ASIC2: variants seen among roughly 807,000 people sequenced by gnomAD.
The protein encoded by ASIC2 is acid-sensing ion channel 2.
ASIC2 carries 25 observed loss-of-function variants against 57.3 expected under a neutral mutation model. That is an observed-to-expected ratio of 0.44 (90% CI 0.32 to 0.61). The LOEUF (loss-of-function observed/expected upper bound fraction) is 0.61, where lower values mean the gene tolerates loss of function less well. Among genes scored for constraint, ASIC2 ranks in the 20% least tolerant of loss-of-function variants. The pLI, the probability that ASIC2 is intolerant of heterozygous loss-of-function variation, is 0.06. For missense variants in ASIC2, 641 were observed against 738.1 expected, an observed-to-expected ratio of 0.87 and a Z score of 1.52; for synonymous variants, 319 against 307.5, an observed-to-expected ratio of 1.04 and a Z score of -0.39.
chr17:33,232,916 T>C (rs1266028258), intron 1 of ASIC2, among the ~76,000 whole-genome samples: 2 of 152,144 alleles, frequency 1.3e-5, no homozygotes, highest in Non-Finnish European at 2.9e-5. Flanking sequence ...GATGCATTCT[T>C]GTATGGCCCC....
At chr17:33,567,750 T>C (rs1916286735) in intron 1 of ASIC2, among the ~76,000 whole-genome samples, 1 of 151,152 alleles carries the variant, frequency 6.6e-6, no homozygotes, top group South Asian at 2.1e-4. Flanking sequence ...AGTGGGGGAG[T>C]GAGTTTGGAG....
At chr17:33,194,862 C>T (rs963217172) in intron 1 of ASIC2, among the ~76,000 whole-genome samples, 1 of 152,204 alleles carries the variant, frequency 6.6e-6, no homozygotes, top group African/African-American at 2.4e-5. Flanking sequence ...CCATCAGTTT[C>T]CCTCACCAGC....
At chr17:33,015,210 G>A (rs572763148) in intron 9 of ASIC2, among the ~76,000 whole-genome samples, 1 of 152,204 alleles carries the variant, frequency 6.6e-6, no homozygotes, top group Non-Finnish European at 1.5e-5. Flanking sequence ...AATGGGCACC[G>A]TTTTCCAGGG....
In ASIC2 at chr17:33,430,478, C is replaced by T. The variant is rs572490616; in HGVS notation, c.556-318411G>A. On this transcript the variant is annotated intron_variant, in intron 1 of 9. Transcript: ENST00000359872. Reference sequence around the variant, plus strand: ...AGGGGCTCCTGGATACCCTACTTCACGTCACTGACCCTACGATAGGAGTCA... The same window carrying T: ...AGGGGCTCCTGGATACCCTACTTCATGTCACTGACCCTACGATAGGAGTCA... 7.2e-5 allele frequency among the ~76,000 whole-genome samples: 11 copies of T among 152,296 alleles called. No homozygotes were observed. The South Asian group carries it at 8.3e-4, about 11-fold the overall frequency.
chr17:33,859,912 T>A lies in ASIC2; in HGVS notation c.555+296066A>T, dbSNP rs181899080. ...GTTGCCCAGGCTGGTCTTGAACTTC[T>A]GTGTTCAAGCAGTCCTTCTGCCTTG... On this transcript the variant is annotated intron_variant, in intron 1 of 9. Coordinates refer to the ASIC2 transcript ENST00000359872. Among the ~76,000 whole-genome samples, 263 of 152,348 alleles carry A rather than the reference T, an allele frequency of 1.7e-3. 3 individuals are homozygous for A. Among genetic ancestry groups the A allele is most frequent in the African/African-American group, 6.1e-3 (254 of 41,582 alleles).
At chr17:33,233,774 C>T (rs748563897) in intron 1 of ASIC2, among the ~76,000 whole-genome samples, 11 of 151,940 alleles carry the variant, frequency 7.2e-5, no homozygotes, top group Non-Finnish European at 1.0e-4. Flanking sequence ...CCTCGTTCTA[C>T]AGAAAACACA....
chr17:34,051,751 G>C (rs1264714827), intron 1 of ASIC2: 1 of 151,980 alleles, frequency 6.6e-6, no homozygotes, highest in African/African-American at 2.4e-5. Flanking sequence ...AAGGTAAAGA[G>C]AGAAAAATTA....
At chr17:33,879,922 A>G (rs563766676) in intron 1 of ASIC2, among the ~76,000 whole-genome samples, 24 of 152,346 alleles carry the variant, frequency 1.6e-4, no homozygotes, top group African/African-American at 5.5e-4. Context: ...ACCACAGTGC[A>G]ATCAAACTAG....
chr17:34,096,765 G>A lies in ASIC2; in HGVS notation c.555+59213C>T, dbSNP rs556433460. On this transcript the variant is annotated intron_variant, in intron 1 of 9. Transcript: ENST00000359872. The stretch of plus-strand genomic sequence containing the variant: ...CCAGCTACTTGGGAGGCTGAGGCAG[G>A]AGAATGGTGTGAACCTGGGAGGCGG... Among the ~76,000 whole-genome samples, 576 of 144,330 alleles carry A rather than the reference G, an allele frequency of 4.0e-3. 1 individual carries two copies. Among genetic ancestry groups the A allele is most frequent in the Non-Finnish European group, 5.5e-3 (365 of 66,474 alleles). The allele number at this position is 144,330 out of a possible 152,430, so 94.7% of individuals were successfully genotyped here. A position where few individuals can be genotyped will look rare whatever the true frequency, so the allele number is the denominator to read the frequency against.
At chr17:33,342,747 G>T (rs1017284268) in intron 1 of ASIC2, among the ~76,000 whole-genome samples, 3 of 152,128 alleles carry the variant, frequency 2.0e-5, no homozygotes, top group African/African-American at 7.2e-5. Context: ...TCTGATGATG[G>T]CAGAGTTTCT....
At chr17:33,116,193 C>T (rs573784350) in intron 1 of ASIC2, among the ~76,000 whole-genome samples, 17 of 152,334 alleles carry the variant, frequency 1.1e-4, no homozygotes, top group African/African-American at 3.4e-4. Flanking sequence ...CTGGTCTCTC[C>T]GCCTGGGCTG....
At chr17:34,075,102 T>G (rs1322969743) in intron 1 of ASIC2, among the ~76,000 whole-genome samples, 2 of 152,092 alleles carry the variant, frequency 1.3e-5, no homozygotes, top group Non-Finnish European at 2.9e-5. Flanking sequence ...GGCTTTAAAG[T>G]GAGGAAGAAG....
In ASIC2 at chr17:33,539,343, G is replaced by A. The variant is rs142620642; in HGVS notation, c.556-427276C>T. Reference sequence around the variant, plus strand: ...AATCAAGGCTGCGCCTGCCATTGGCGCCTGCTTTTCTTGCCCTACAATGGT... The same window carrying A: ...AATCAAGGCTGCGCCTGCCATTGGCACCTGCTTTTCTTGCCCTACAATGGT... On this transcript the variant is annotated intron_variant, in intron 1 of 9. Transcript: ENST00000359872. 1.8e-3 allele frequency among the ~76,000 whole-genome samples: 274 copies of A among 152,344 alleles called. 9 individuals are homozygous for A. In the South Asian group the frequency reaches 0.047, roughly 26 times the overall value.
intron 1 of ASIC2, among the ~76,000 whole-genome samples, chr17:33,186,174 G>A (rs958430474): frequency 2.6e-5 from 4 of 151,964 alleles, no homozygotes; most frequent in Non-Finnish European, 5.9e-5. Flanking sequence ...GCAATGGCTT[G>A]ATCTTGGCCA....
intron 1 of ASIC2, among the ~76,000 whole-genome samples, chr17:33,736,584 C>G (rs899644825): frequency 6.6e-6 from 1 of 152,138 alleles, no homozygotes; most frequent in Non-Finnish European, 1.5e-5. Flanking sequence ...TGATGATTCA[C>G]TGACTCTTTT....
chr17:33,672,190 T>C (rs1348752527), intron 1 of ASIC2, among the ~76,000 whole-genome samples: 2 of 152,218 alleles, frequency 1.3e-5, no homozygotes, highest in Non-Finnish European at 2.9e-5. Context: ...TGGCTGCCAC[T>C]GGGACAATTA....
chr17:33,770,804 C>T (rs994118274), intron 1 of ASIC2, among the ~76,000 whole-genome samples: 3 of 152,098 alleles, frequency 2.0e-5, no homozygotes, highest in African/African-American at 7.2e-5. Context: ...TTTCAATTTC[C>T]CCCCTGGGAC....
At chr17:33,659,057 C>T (rs1161766493) in intron 1 of ASIC2, among the ~76,000 whole-genome samples, 1 of 152,130 alleles carries the variant, frequency 6.6e-6, no homozygotes, top group Non-Finnish European at 1.5e-5. Context: ...AATCCCATCA[C>T]AATAGGGAAT....
At chr17:33,906,459 G>A (rs1915351791) in intron 1 of ASIC2, among the ~76,000 whole-genome samples, 1 of 152,160 alleles carries the variant, frequency 6.6e-6, no homozygotes, top group Non-Finnish European at 1.5e-5. Context: ...AACATTTTGG[G>A]CAGCTGAGAG....
Sources: gnomAD v4.1 joint callset for allele counts (sites outside exome capture counted in the v4.1 genomes callset) on GRCh38, gnomAD v4.1.1 for gene constraint, MANE v1.5 for transcripts, NCBI Gene and HGNC (gene_info 2026-07-23, HGNC 2026-07-21) for gene names.